ERCC6L2: variants seen among roughly 807,000 people sequenced by gnomAD.
ERCC6L2 encodes the protein DNA excision repair protein ERCC-6-like 2.
In ERCC6L2, 77 loss-of-function variants were observed where a neutral mutation model predicts 132.0. The observed-to-expected ratio is 0.58, with a 90% CI of 0.49 to 0.71. The LOEUF is 0.71. Ranked by LOEUF, ERCC6L2 falls within the 30% of genes least tolerant of loss-of-function variation. ERCC6L2 has a pLI of 0.00. For missense variants in ERCC6L2, 1,542 were observed against 1,837.6 expected (o/e 0.84, Z 2.94); for synonymous variants, 583 against 632.4 (o/e 0.92, Z 1.17).
At chr9:95,974,722 TTGTGTGTG>T (rs139478214) in intron 16 of ERCC6L2, among the ~76,000 whole-genome samples, 398 of 149,804 alleles carry the variant, frequency 2.7e-3, no homozygotes, top group African/African-American at 9.5e-3. Context: ...GTGGCCAGAT[TTGTGTGTG>T]TGTGTGTGTG....
chr9:95,914,593 C>A (rs568314874), intron 4 of ERCC6L2, among the ~76,000 whole-genome samples: 45 of 152,086 alleles, frequency 3.0e-4, no homozygotes, highest in Non-Finnish European at 6.0e-4. Flanking sequence ...ACCTCGTGAT[C>A]CACCCGCCTC....
At chr9:96,040,353 G>T (rs1018071847) in intron 20 of ERCC6L2, among the ~76,000 whole-genome samples, 1 of 152,142 alleles carries the variant, frequency 6.6e-6, no homozygotes. Context: ...GCTTTCTCTG[G>T]GTCTAGCTTG....
downstream of ERCC6L2, chr9:96,020,588 CAAG>C (rs1034805449): frequency 1.1e-5 from 4 of 364,102 alleles, no homozygotes; most frequent in East Asian, 2.9e-4. Context: ...AAGCAGGTCT[CAAG>C]AAGCTTAGAA....
chr9:95,984,196 C>CCA (rs929529124), intron 17 of ERCC6L2, among the ~76,000 whole-genome samples: 5 of 148,928 alleles, frequency 3.4e-5, no homozygotes, highest in Non-Finnish European at 5.9e-5. Flanking sequence ...CAAATATGTA[C>CCA]ATCTCTAACA....
intron 11 of ERCC6L2, among the ~76,000 whole-genome samples, chr9:95,932,555 A>G (rs557984029): frequency 6.6e-6 from 1 of 152,226 alleles, no homozygotes; most frequent in Admixed American, 6.5e-5. Context: ...GAATTTATTA[A>G]TGAGTTTGAG....
intron 2 of ERCC6L2, among the ~76,000 whole-genome samples, chr9:95,892,363 A>G (rs2132572645): frequency 6.6e-6 from 1 of 151,670 alleles, no homozygotes; most frequent in Middle Eastern, 3.5e-3. Context: ...ATAGAATTCT[A>G]AGAGTATTTC....
chr9:95,907,128 A>G lies in ERCC6L2; in HGVS notation c.645A>G (p.Glu215=). Residue 215 remains glutamate (E), a synonymous_variant, in exon 4 of 19, where the codon GAA becomes GAG. Transcript: ENST00000653738. ...PLSVLYNWKD[E]LDTWGYFRVT... The stretch of plus-strand genomic sequence containing the variant: ...CTGTCCTCTACAACTGGAAGGATGA[A>G]TTGGACACCTGGGGATATTTCAGAG... 4 of 1,613,300 alleles carry G rather than the reference A, an allele frequency of 2.5e-6. No homozygotes were observed. The South Asian group carries it at 4.4e-5, about 18-fold the overall frequency.
At chr9:95,913,598 A>G (rs978750316) in intron 4 of ERCC6L2, among the ~76,000 whole-genome samples, 6 of 152,234 alleles carry the variant, frequency 3.9e-5, no homozygotes, top group African/African-American at 1.2e-4. Flanking sequence ...AAGTTGTGCT[A>G]TTACCACAAT....
At chr9:95,897,082 G>T (rs1216180971) in intron 2 of ERCC6L2, among the ~76,000 whole-genome samples, 6 of 151,746 alleles carry the variant, frequency 4.0e-5, no homozygotes, top group Non-Finnish European at 2.9e-5. Flanking sequence ...TTTTTGTAAG[G>T]TAATGATCAG....
rs148474943 is a variant in ERCC6L2, at chr9:95,977,899, C to G, written c.3338-162C>G. On this transcript the variant is annotated intron_variant, in intron 16 of 18. Transcript: ENST00000653738. The stretch of plus-strand genomic sequence containing the variant: ...AGGAAAAGTCATTTCCAAGGTAACC[C>G]AGACTAACATATTTGAACTCTTTCT... 2.4e-3 allele frequency among the ~76,000 whole-genome samples: 360 copies of G among 152,114 alleles called. 2 individuals carry two copies. Among genetic ancestry groups the G allele is most frequent in the Middle Eastern group, 0.014 (4 of 294 alleles).
chr9:96,019,420 G>A (rs1428327086), downstream of ERCC6L2, among the ~76,000 whole-genome samples: 1 of 151,996 alleles, frequency 6.6e-6, no homozygotes, highest in African/African-American at 2.4e-5. Flanking sequence ...ACCACTCCCT[G>A]CCCTCTCTTC....
intron 19 of ERCC6L2, among the ~76,000 whole-genome samples, chr9:96,028,697 T>A (rs1834413955): frequency 6.6e-6 from 1 of 152,166 alleles, no homozygotes. Flanking sequence ...CTGAGTCAGG[T>A]TGTCCAGAGG....
chr9:95,884,098 C>T (rs1034431700), intron 2 of ERCC6L2, among the ~76,000 whole-genome samples: 2 of 152,156 alleles, frequency 1.3e-5, no homozygotes, highest in East Asian at 3.9e-4. Flanking sequence ...TCCTGATACA[C>T]TGTAATCATT....
At chr9:95,902,010 G>GA (rs1441786478) in intron 3 of ERCC6L2, among the ~76,000 whole-genome samples, 1 of 152,170 alleles carries the variant, frequency 6.6e-6, no homozygotes, top group African/African-American at 2.4e-5. Flanking sequence ...ATTGAATTCT[G>GA]AAAAATTAAT....
At chr9:95,930,149 G>A (rs1830273284) in intron 11 of ERCC6L2, among the ~76,000 whole-genome samples, 1 of 151,838 alleles carries the variant, frequency 6.6e-6, no homozygotes, top group Non-Finnish European at 1.5e-5. Context: ...TTCATGTTTG[G>A]TCATTTTTTT....
chr9:96,019,557 G>C (rs937520279), downstream of ERCC6L2, among the ~76,000 whole-genome samples: 32 of 152,136 alleles, frequency 2.1e-4, no homozygotes, highest in African/African-American at 7.7e-4. Context: ...AAGCTCAATG[G>C]AGCCTCAATG....
At chr9:95,975,230 A>G (rs997817245) in intron 16 of ERCC6L2, among the ~76,000 whole-genome samples, 3 of 152,072 alleles carry the variant, frequency 2.0e-5, no homozygotes, top group African/African-American at 7.2e-5. Context: ...CATGCTCCCC[A>G]TCAGTCCTTA....
rs574312958 is a variant in ERCC6L2, at chr9:95,928,128, T to A, written c.1583T>A (p.Leu528His). 1.2e-6 allele frequency: 2 copies of A among 1,612,632 alleles called. No individual in the cohort carries two copies. The highest frequency in any genetic ancestry group is 1.3e-5 in the African/African-American group (1 of 75,008). The part of the protein sequence containing the change: ...NHCRKNRDKV[L>H]LFSFSTKLLD... The stretch of plus-strand genomic sequence containing the variant: ...TGCAGGAAAAACAGAGATAAAGTTC[T>A]TCTCTTTTCTTTTTCCACCAAGGTG... The change falls in exon 10 of 19, where the codon CTT (leucine) becomes CAT (histidine). Residue 528 changes from leucine to histidine, a missense_variant. Around this residue, in one of 4 missense-constraint regions of ERCC6L2, gnomAD observed 945 missense variants for 1,105.2 expected, o/e 0.86. Transcript: ENST00000653738.
At chr9:96,035,522 G>A (rs548052397) in intron 19 of ERCC6L2, among the ~76,000 whole-genome samples, 1 of 152,160 alleles carries the variant, frequency 6.6e-6, no homozygotes, top group African/African-American at 2.4e-5. Context: ...TCTGCAGAGA[G>A]AGTGGGGCAA....
Sources: gnomAD v4.1 joint callset for allele counts (sites outside exome capture counted in the v4.1 genomes callset) on GRCh38, gnomAD v4.1.1 for gene constraint, gnomAD v4.1.1 regional missense constraint, MANE v1.5 for transcripts, NCBI Gene and HGNC (gene_info 2026-07-23, HGNC 2026-07-21) for gene names.